Variants in PMS2 observed in about 807,000 individuals in gnomAD.
The protein encoded by PMS2 is PMS1 homolog 2, mismatch repair system component.
A neutral mutation model predicts 90.0 loss-of-function variants in PMS2; 69 were observed. The ratio of observed to expected loss-of-function variants is 0.77; its 90% CI spans 0.63 to 0.94. PMS2 has a LOEUF of 0.94. PMS2 is among the 40% of genes least tolerant of loss of function. PMS2 has a pLI of 0.00. For synonymous variants in PMS2, 332 were observed against 375.1 expected, an observed-to-expected ratio of 0.89 and a Z score of 1.33; for missense variants, 966 against 1,040.2, an observed-to-expected ratio of 0.93 and a Z score of 0.98.
intron 8 of PMS2, among the ~76,000 whole-genome samples, chr7:5,993,200 A>T (rs1472692178): frequency 6.6e-6 from 1 of 151,822 alleles, no homozygotes; most frequent in Non-Finnish European, 1.5e-5. Context: ...GTGAAACCCC[A>T]TCTCTACTCA....
intron 12 of PMS2, among the ~76,000 whole-genome samples, chr7:5,979,015 C>A (rs373463061): frequency 1.4e-5 from 2 of 148,100 alleles, no homozygotes; most frequent in Non-Finnish European, 3.0e-5. Context: ...GTCAACACAG[C>A]GAAACACTCT....
At chr7:6,002,352 T>C (rs1421453711) in intron 5 of PMS2, 101 bp downstream of exon 5, 1 of 809,328 alleles carries the variant, frequency 1.2e-6, no homozygotes, top group Non-Finnish European at 2.1e-6. Context: ...TTCTCAATAA[T>C]TTATGGGAAG....
At chr7:6,007,690 C>T (rs1785980173) in intron 1 of PMS2, among the ~76,000 whole-genome samples, 1 of 152,114 alleles carries the variant, frequency 6.6e-6, no homozygotes, top group Non-Finnish European at 1.5e-5. Context: ...TTAATAAACC[C>T]TTCTGAAATA....
intron 5 of PMS2, 105 bp downstream of exon 5, chr7:6,002,348 A>G (rs1345653884): frequency 6.3e-6 from 5 of 795,770 alleles, no homozygotes; most frequent in African/African-American, 1.7e-5. Flanking sequence ...GCATTTCTCA[A>G]TAATTTATGG....
chr7:6,004,215 T>A, intron 2 of PMS2, 157 bp from the exon 3 acceptor site: 1 of 593,078 alleles, frequency 1.7e-6, no homozygotes, highest in African/African-American at 1.9e-5. Context: ...TGTTATAAAG[T>A]CCTTTCTGGC....
chr7:5,989,370 T>C (rs886628421), intron 10 of PMS2, among the ~76,000 whole-genome samples: 2 of 152,006 alleles, frequency 1.3e-5, no homozygotes, highest in Non-Finnish European at 2.9e-5. Context: ...GGCTTCAAGG[T>C]TGCAGTGAGC....
At chr7:6,003,905 T>C in intron 3 of PMS2, 67 bp downstream of exon 3, 5 of 1,269,762 alleles carry the variant, frequency 3.9e-6, no homozygotes, top group Admixed American at 3.4e-5. Flanking sequence ...CCCAAGACAG[T>C]GTTACTCAAA....
intron 8 of PMS2, among the ~76,000 whole-genome samples, chr7:5,992,411 C>T (rs577499853): frequency 5.9e-5 from 9 of 151,940 alleles, no homozygotes; most frequent in African/African-American, 9.7e-5. Context: ...CCTCTGCCTC[C>T]GGGGCTCAAG....
chr7:5,982,645 A>G (rs2533066), intron 12 of PMS2, among the ~76,000 whole-genome samples, 179 bp downstream of exon 12: 1 of 152,022 alleles, frequency 6.6e-6, no homozygotes, highest in African/African-American at 2.4e-5. Flanking sequence ...CCAACTAGAT[A>G]TTTTTTATTT....
chr7:5,988,879 G>T (rs112347961), intron 10 of PMS2, among the ~76,000 whole-genome samples: 1 of 151,986 alleles, frequency 6.6e-6, no homozygotes, highest in East Asian at 1.9e-4. Context: ...TTTTTGAGAC[G>T]GAGTCTCGCT....
intron 11 of PMS2, among the ~76,000 whole-genome samples, chr7:5,984,361 G>A (rs1436460403): frequency 1.3e-5 from 2 of 151,906 alleles, no homozygotes; most frequent in African/African-American, 2.4e-5. Context: ...ACCTTCACAC[G>A]AGAAATTGAC....
chr7:5,993,715 G>C (rs376795949), intron 8 of PMS2, among the ~76,000 whole-genome samples: 1 of 151,208 alleles, frequency 6.6e-6, no homozygotes, highest in Non-Finnish European at 1.5e-5. Context: ...ACAAAAATTA[G>C]CCGGGTGTGG....
Position 5,973,099 on chromosome 7 carries a change from TC to T in PMS2, c.*299del, listed in dbSNP as rs1781450603. 2.5e-6 allele frequency: 1 copy of T among 405,322 alleles called. No individual in the cohort carries two copies. Among genetic ancestry groups the T allele is most frequent in the African/African-American group, 2.3e-5 (1 of 43,932 alleles). The allele number at this position is 405,322 out of a possible 1,614,324, so 25.1% of individuals were successfully genotyped here. Reference sequence around the variant, plus strand: ...CTCAGGTGATCCGCCGGCCTCGGCCTCCCAAAGTGCTGCGATCACAGGCATG... The same window carrying T: ...CTCAGGTGATCCGCCGGCCTCGGCCTCCAAAGTGCTGCGATCACAGGCATG... On this transcript the variant is annotated 3_prime_UTR_variant, in exon 15 of 15. Transcript: ENST00000265849.
At chr7:5,981,980 A>T (rs2261881) in intron 12 of PMS2, among the ~76,000 whole-genome samples, 4 of 152,234 alleles carry the variant, frequency 2.6e-5, no homozygotes, top group Admixed American at 6.5e-5. Context: ...TTATGGAAAA[A>T]TACATATATA....
chr7:6,004,943 C>A (rs1452675715), intron 2 of PMS2, among the ~76,000 whole-genome samples: 2 of 151,796 alleles, frequency 1.3e-5, no homozygotes, highest in Non-Finnish European at 2.9e-5. Context: ...TTTTGCTCGT[C>A]ACCCAGGCTG....
Position 5,990,034 on chromosome 7 carries a change from G to A in PMS2, c.989-79C>T, listed in dbSNP as rs1037903744. ...TTATTAATTATTATTTTCAGACAGC[G>A]TCTCACTCTGTCGCCTAGGCTGGAG... On this transcript the variant is annotated intron_variant, in intron 9 of 14. Transcript: ENST00000265849. 191 of 976,480 alleles carry A rather than the reference G, an allele frequency of 2.0e-4. 1 individual carries two copies. The South Asian group carries it at 2.5e-3, about 13-fold the overall frequency. The allele number at this position is 976,480 out of a possible 1,614,324, so 60.5% of individuals were successfully genotyped here.
rs1305296572 is a variant in PMS2 at position 5,992,038 on chromosome 7, T to G, written c.923A>C (p.Glu308Ala). Residue 308 changes from glutamate to alanine, a missense_variant, in exon 9 of 15, where the codon GAG becomes GCG. Around this residue, in one of 2 missense-constraint regions of PMS2, gnomAD observed 871 missense variants for 802.4 expected, o/e 1.09. Transcript: ENST00000265849. ...DPAKVCRLVNEVYHMYNRHQY... is the reference protein window; with the variant it reads ...DPAKVCRLVNAVYHMYNRHQY... ...GTGTCGATTATACATGTGGTAGACCTCATTCACGAGTCTGCAGACCTGCAC... is the reference window on the plus strand; with the variant it reads ...GTGTCGATTATACATGTGGTAGACCGCATTCACGAGTCTGCAGACCTGCAC... 1 of 1,590,894 alleles carries G rather than the reference T, an allele frequency of 6.3e-7. No homozygotes were observed.
intron 5 of PMS2, 57 bp downstream of exon 5, chr7:6,002,396 T>C: frequency 1.9e-6 from 2 of 1,080,650 alleles, no homozygotes; most frequent in East Asian, 4.7e-5. Context: ...CTTTAGTAAA[T>C]CTTTTGCTCA....
rs1583281386 is a variant in PMS2, at chr7:5,977,726, G to A, written c.2307C>T (p.Ser769=). 6.2e-7 allele frequency: 1 copy of A among 1,606,500 alleles called. No individual in the cohort carries two copies. The highest frequency in any genetic ancestry group is 8.5e-7 in the Non-Finnish European group (1 of 1,174,908). The change falls in exon 14 of 15, where the codon TCC becomes TCT. Residue 769 remains serine (S), a synonymous_variant. Transcript: ENST00000265849. ...AGGTCCAGTTTTTACTAGTTGGCAA[G>A]GAAATCAGTTTAGCCCTTTCAGTGA... is the stretch of plus-strand genomic sequence containing the variant. ...APVTERAKLI[S]LPTSKNWTFG... is the part of the protein sequence containing the mutation.
Sources: allele counts gnomAD v4.1 joint callset (sites outside exome capture counted in the v4.1 genomes callset), GRCh38; gene constraint gnomAD v4.1.1; regional missense constraint gnomAD v4.1.1; transcripts MANE v1.5; gene names NCBI Gene and HGNC (gene_info 2026-07-23, HGNC 2026-07-21).